Variants in MDC1 observed in about 807,000 individuals in gnomAD.
The protein encoded by MDC1 is mediator of DNA damage checkpoint protein 1.
In MDC1, 81 loss-of-function variants were observed where a neutral mutation model predicts 142.5. The ratio of observed to expected loss-of-function variants is 0.57; its 90% CI spans 0.47 to 0.68. MDC1 has a LOEUF of 0.68. Among genes scored for constraint, MDC1 ranks in the 30% least tolerant of loss-of-function variants. MDC1 has a pLI of 0.00. For missense variants in MDC1, 2,119 were observed against 2,547.9 expected, an observed-to-expected ratio of 0.83 and a Z score of 3.62; for synonymous variants, 797 against 968.4, an observed-to-expected ratio of 0.82 and a Z score of 3.29.
rs892156876 is a variant in MDC1, at chr6:30,716,311, C to A, written c.-4+934G>T. On this transcript the variant is annotated intron_variant, in intron 1 of 14. Transcript: ENST00000376406. This position sits in a 1 kb window ranked among gnomAD's most constrained non-coding sequence, Gnocchi z 4.4. ...CTATCTTGGCTCACTGCAACCTCTG[C>A]CTCCAGGCTTCAAGCGATTCTCCTG... is the stretch of plus-strand genomic sequence containing the variant. 6.6e-6 allele frequency among the ~76,000 whole-genome samples: 1 copy of A among 152,024 alleles called. No homozygotes were observed. The highest frequency in any genetic ancestry group is 1.5e-5 in the Non-Finnish European group (1 of 68,004).
rs1774128483 is a variant in MDC1 at position 30,707,691 on chromosome 6, G to A, written c.2888C>T (p.Ser963Phe). ...GGSQDQKGQA[S>F]SPTPEPGVGA... ...CACCCCAGGCTCTGGTGTTGGGCTGGAGGCCTGCCCTTTCTGGTCCTGGCT... is the reference window on the plus strand; with the variant it reads ...CACCCCAGGCTCTGGTGTTGGGCTGAAGGCCTGCCCTTTCTGGTCCTGGCT... Residue 963 changes from serine (S) to phenylalanine (F), a missense_variant, in exon 8 of 15, where the codon TCC (serine) becomes TTC (phenylalanine). By Grantham distance (155) the Ser-to-Phe change is radical (BLOSUM62 -2). Transcript: ENST00000376406. 5 of 1,613,068 alleles carry A rather than the reference G, an allele frequency of 3.1e-6. No homozygotes were observed. Among genetic ancestry groups the A allele is most frequent in the Non-Finnish European group, 3.4e-6 (4 of 1,180,038 alleles).
rs762423586 is a variant in MDC1 at position 30,704,231 on chromosome 6, T to C, written c.4952A>G (p.Lys1651Arg). 8.7e-6 allele frequency: 14 copies of C among 1,613,396 alleles called. No individual in the cohort carries two copies. The highest frequency in any genetic ancestry group is 1.1e-5 in the Non-Finnish European group (13 of 1,179,774). ...ATCAGAGGCTGCTGGTTCAACTGGT[T>C]TGGGAGTCTTGACAGAGGACCTATT... ...KTNRSSVKTP[K>R]PVEPAASDLE... The change falls in exon 10 of 15, where the codon AAA becomes AGA. Residue 1651 changes from lysine to arginine, a missense_variant. Lys to Arg is a conservative substitution (Grantham distance 26). Coordinates refer to ENST00000376406, the MANE Select transcript of MDC1 (RefSeq NM_014641.3).
Position 30,705,514 on chromosome 6 carries a change from G to A in MDC1, c.3669C>T (p.Pro1223=), listed in dbSNP as rs1252903176. The A allele has an allele frequency of 6.2e-7, 1 of 1,607,030 alleles. No homozygotes were observed. Residue 1223 remains proline, a synonymous_variant, in exon 10 of 15, where the codon CCC becomes CCT. Coordinates refer to ENST00000376406, the MANE Select transcript of MDC1 (RefSeq NM_014641.3). ...TSTDRPVTSE[P]TSQATRGRKN... is the part of the protein sequence containing the mutation. ...TTCTTCCCCTAGTAGCCTGAGAGGT[G>A]GGTTCAGAGGTGACAGGTCGGTCGG...
In MDC1 at chr6:30,708,198, G is replaced by C; in HGVS notation, c.2381C>G (p.Pro794Arg). 1 of 1,613,124 alleles carries C rather than the reference G, an allele frequency of 6.2e-7. No homozygotes were observed. Among genetic ancestry groups the C allele is most frequent in the Non-Finnish European group, 8.5e-7 (1 of 1,180,020 alleles). ...AIPGDQHPESPVHTEPMGIQG... is the reference protein window; with the variant it reads ...AIPGDQHPESRVHTEPMGIQG... ...AATCCCCATTGGCTCTGTGTGAACT[G>C]GGCTCTCTGGATGTTGGTCTCCTGG... The change falls in exon 8 of 15, where the codon CCA becomes CGA. Residue 794 changes from proline (P) to arginine (R), a missense_variant. Coordinates refer to ENST00000376406, the MANE Select transcript of MDC1 (RefSeq NM_014641.3).
intron 14 of MDC1, 83 bp downstream of exon 14, chr6:30,702,470 T>A: frequency 1.8e-6 from 2 of 1,102,104 alleles, no homozygotes; most frequent in South Asian, 3.4e-5. Flanking sequence ...ACCTCCATTT[T>A]TTTCCCTCCA....
chr6:30,700,752 GCACAC>G, intron 14 of MDC1, 120 bp from the exon 15 acceptor site: 1 of 983,346 alleles, frequency 1.0e-6, no homozygotes, highest in South Asian at 1.6e-5. Flanking sequence ...GCCAAGTGAA[GCACAC>G]CGCATACTGT....
rs889327317 is a variant in MDC1, at chr6:30,713,440, C to A, written c.588-86G>T. On this transcript the variant is annotated intron_variant, in intron 4 of 14. Transcript: ENST00000376406. The surrounding 1 kb of genome is among the most constrained non-coding windows in gnomAD (Gnocchi z 4.9). Reference sequence around the variant, plus strand: ...CAACTGTGAGCTCCTTGAGGGGAGACACAAGGTAGCATATTTCTTCTTCTG... The same window carrying A: ...CAACTGTGAGCTCCTTGAGGGGAGAAACAAGGTAGCATATTTCTTCTTCTG... 3 of 1,398,530 alleles carry A rather than the reference C, an allele frequency of 2.1e-6. No homozygotes were observed. Among genetic ancestry groups the A allele is most frequent in the African/African-American group, 1.4e-5 (1 of 69,560 alleles). The allele number at this position is 1,398,530 out of a possible 1,614,324, so 86.6% of individuals were successfully genotyped here.
At chr6:30,700,809 C>T (rs550433254) in intron 14 of MDC1, among the ~76,000 whole-genome samples, 177 bp from the exon 15 acceptor site, 1 of 151,108 alleles carries the variant, frequency 6.6e-6, no homozygotes, top group East Asian at 1.9e-4. Flanking sequence ...TGGCTCATGC[C>T]TGTAATTACA....
Position 30,708,290 on chromosome 6 carries a change from A to G in MDC1, c.2289T>C (p.Ser763=), listed in dbSNP as rs749550819. 7 of 1,612,822 alleles carry G rather than the reference A, an allele frequency of 4.3e-6. No individual in the cohort carries two copies. Among genetic ancestry groups the G allele is most frequent in the Non-Finnish European group, 5.9e-6 (7 of 1,180,028 alleles). The change falls in exon 8 of 15, where the codon TCT becomes TCC. Residue 763 remains serine, a synonymous_variant. Coordinates refer to ENST00000376406, the MANE Select transcript of MDC1 (RefSeq NM_014641.3). The part of the protein sequence containing the change: ...QPFCLRESED[S]ETQPFDTHLE... Reference sequence around the variant, plus strand: ...GGTGCGTGTCAAAAGGCTGGGTCTCAGAGTCCTCAGACTCTCTCAGACAGA... The same window carrying G: ...GGTGCGTGTCAAAAGGCTGGGTCTCGGAGTCCTCAGACTCTCTCAGACAGA...
At chr6:30,700,704 A>G in intron 14 of MDC1, 72 bp from the exon 15 acceptor site, 1 of 1,487,018 alleles carries the variant, frequency 6.7e-7, no homozygotes, top group Middle Eastern at 1.9e-4. Flanking sequence ...CCCACTAACC[A>G]GTCTTACCAT....
rs756581000 is a variant in MDC1, at chr6:30,711,405, C to A, written c.2221+7G>T. ...GGGGACACAGAGGAGGGAAGAGTTT[C>A]TTATACCTGTTGTCTGGAAGCTGCA... On this transcript the variant is annotated splice_region_variant and intron_variant, in intron 7 of 14. Coordinates refer to ENST00000376406, the MANE Select transcript of MDC1 (RefSeq NM_014641.3). 1 of 1,611,490 alleles carries A rather than the reference C, an allele frequency of 6.2e-7. No homozygotes were observed. Among genetic ancestry groups the A allele is most frequent in the African/African-American group, 1.3e-5 (1 of 74,856 alleles).
Position 30,705,931 on chromosome 6 carries a change from A to G in MDC1, c.3252T>C (p.Asp1084=), listed in dbSNP as rs571001103. ...IKPTVRKTRQ[D]GSQEAPEAPL... The stretch of plus-strand genomic sequence containing the variant: ...GAGCCTCTGGAGCTTCCTGACTCCC[A>G]TCTTGCCTGGTCTTACGAACGGTTG... Residue 1084 remains aspartate (D), a synonymous_variant, in exon 10 of 15, where the codon GAT becomes GAC. Transcript: ENST00000376406. 2 of 1,613,934 alleles carry G rather than the reference A, an allele frequency of 1.2e-6. No homozygotes were observed. Among genetic ancestry groups the G allele is most frequent in the African/African-American group, 1.3e-5 (1 of 74,996 alleles).
Position 30,711,955 on chromosome 6 carries a change from T to C in MDC1, c.1987A>G (p.Arg663Gly). 1 of 1,571,288 alleles carries C rather than the reference T, an allele frequency of 6.4e-7. No homozygotes were observed. The highest frequency in any genetic ancestry group is 8.6e-7 in the Non-Finnish European group (1 of 1,160,642). The change falls in exon 5 of 15, where the codon AGA becomes GGA. Residue 663 changes from arginine (R) to glycine (G), a missense_variant. Transcript: ENST00000376406. Reference sequence around the variant, plus strand: ...CCTGTGGGGACCTGGGCTCCCTCTCTCTGTGGCTGGGTGGATTCCCCTAGA... The same window carrying C: ...CCTGTGGGGACCTGGGCTCCCTCTCCCTGTGGCTGGGTGGATTCCCCTAGA... ...DTLGESTQPQREGAQVPTGRE... is the reference protein window; with the variant it reads ...DTLGESTQPQGEGAQVPTGRE...
Position 30,713,285 on chromosome 6 carries a change from G to T in MDC1, c.657C>A (p.Asp219Glu). 2 of 1,612,548 alleles carry T rather than the reference G, an allele frequency of 1.2e-6. No individual in the cohort carries two copies. Among genetic ancestry groups the T allele is most frequent in the Non-Finnish European group, 1.7e-6 (2 of 1,179,908 alleles). The change falls in exon 5 of 15, where the codon GAC (aspartate) becomes GAA (glutamate). Residue 219 changes from aspartate (D) to glutamate (E), a missense_variant. By Grantham distance (45) the Asp-to-Glu change is conservative. Transcript: ENST00000376406. This position sits in a 1 kb window ranked among gnomAD's most constrained non-coding sequence, Gnocchi z 4.9. ...GPPFAFNLNS[D>E]TDVEEGQQPA... Reference sequence around the variant, plus strand: ...GTTGCTGACCTTCTTCCACATCTGTGTCACTGTTCAAATTGAAGGCAAAAG... The same window carrying T: ...GTTGCTGACCTTCTTCCACATCTGTTTCACTGTTCAAATTGAAGGCAAAAG...
Position 30,705,697 on chromosome 6 carries a change from G to C in MDC1, c.3486C>G (p.Val1162=), listed in dbSNP as rs781729893. ...AAGGCTGGAGCTCAGGGGCTGTGGG[G>C]ACAACTGGTTCAGGGGTCTTGACAG... ...RSSVKTPEPV[V]PTAPELQPST... is the part of the protein sequence containing the mutation. The change falls in exon 10 of 15, where the codon GTC becomes GTG. Residue 1162 remains valine (V), a synonymous_variant. Transcript: ENST00000376406. 22 of 1,611,944 alleles carry C rather than the reference G, an allele frequency of 1.4e-5. No individual in the cohort carries two copies. In the African/African-American group the frequency reaches 1.5e-4, roughly 11 times the overall value.
intron 14 of MDC1, among the ~76,000 whole-genome samples, chr6:30,702,280 A>AAAAAAG (rs1562073140): frequency 1.5e-5 from 2 of 132,558 alleles, no homozygotes; most frequent in South Asian, 2.6e-4. Context: ...AAAAAAAAAA[A>AAAAAAG]AGAAAATCAA....
chr6:30,712,773 G>A lies in MDC1; in HGVS notation c.1169C>T (p.Pro390Leu). 6.2e-7 allele frequency: 1 copy of A among 1,612,996 alleles called. No homozygotes were observed. Among genetic ancestry groups the A allele is most frequent in the Non-Finnish European group, 8.5e-7 (1 of 1,179,992 alleles). ...CATGGAAGCTTGGCTTTTCTCCAGA[G>A]GGACAGCCTGTGGGGCCTTGCCTTC... is the stretch of plus-strand genomic sequence containing the variant. Reference protein sequence around the residue: ...VEEGKAPQAVPLEKSQASMVI... With the variant: ...VEEGKAPQAVLLEKSQASMVI... Residue 390 changes from proline to leucine, a missense_variant, in exon 5 of 15, where the codon CCT becomes CTT. Coordinates refer to ENST00000376406, the MANE Select transcript of MDC1 (RefSeq NM_014641.3). The surrounding 1 kb of genome is among the most constrained non-coding windows in gnomAD (Gnocchi z 4.7).
rs1774286535 is a variant in MDC1 at position 30,708,474 on chromosome 6, C to T, written c.2222-117G>A. ...TATGATGAGAAAGGATTTAGATAAACTCATGAATAATAAATCTGAACAGGT... is the reference window on the plus strand; with the variant it reads ...TATGATGAGAAAGGATTTAGATAAATTCATGAATAATAAATCTGAACAGGT... On this transcript the variant is annotated intron_variant, in intron 7 of 14. Transcript: ENST00000376406. The T allele has an allele frequency of 6.6e-6, 5 of 755,272 alleles. No homozygotes were observed. The East Asian group carries it at 1.3e-4, about 20-fold the overall frequency. The allele number at this position is 755,272 out of a possible 1,614,324, so 46.8% of individuals were successfully genotyped here.
rs1389401837 is a variant in MDC1 at position 30,704,960 on chromosome 6, A to G, written c.4223T>C (p.Val1408Ala). 14 of 1,604,736 alleles carry G rather than the reference A, an allele frequency of 8.7e-6. No individual in the cohort carries two copies. The highest frequency in any genetic ancestry group is 1.1e-5 in the Non-Finnish European group (13 of 1,176,576). ...AGGCTCGAGCTTAGGGGCTGTGGGG[A>G]CAAGTGTTTCAGGGGTCTTGCCAGA... ...RSSGKTPETL[V>A]PTAPKLEPST... The change falls in exon 10 of 15, where the codon GTC becomes GCC. Residue 1408 changes from valine (V) to alanine (A), a missense_variant. Physicochemically the swap from Val to Ala is moderately conservative, Grantham distance 64. Coordinates refer to ENST00000376406, the MANE Select transcript of MDC1 (RefSeq NM_014641.3).
Sources: gnomAD v4.1 joint callset for allele counts (sites outside exome capture counted in the v4.1 genomes callset) on GRCh38, gnomAD v4.1.1 for gene constraint, Gnocchi (gnomAD v3.1) non-coding constraint, MANE v1.5 for transcripts, NCBI Gene and HGNC (gene_info 2026-07-23, HGNC 2026-07-21) for gene names.